DGKD: variants seen among roughly 807,000 people sequenced by gnomAD.
DGKD encodes DAG kinase delta.
DGKD carries 68 observed loss-of-function variants against 154.4 expected under a neutral mutation model. That is an observed-to-expected ratio of 0.44 (90% CI 0.36 to 0.54). The LOEUF (loss-of-function observed/expected upper bound fraction) is 0.54, where lower values mean the gene tolerates loss of function less well. Ranked by LOEUF, DGKD falls within the 20% of genes least tolerant of loss-of-function variation. The pLI, the probability that DGKD is intolerant of heterozygous loss-of-function variation, is 0.00. For synonymous variants in DGKD, 693 were observed against 638.0 expected, an observed-to-expected ratio of 1.09 and a Z score of -1.30; for missense variants, 1,343 against 1,593.6, an observed-to-expected ratio of 0.84 and a Z score of 2.68.
chr2:233,427,260 G>A (rs1318043472), intron 3 of DGKD, among the ~76,000 whole-genome samples: 1 of 151,662 alleles, frequency 6.6e-6, no homozygotes, highest in African/African-American at 2.4e-5. Flanking sequence ...TTCTCTTGGT[G>A]GGACGTCCTG....
chr2:233,465,419 A>G (rs2063794369), intron 27 of DGKD, among the ~76,000 whole-genome samples: 1 of 152,140 alleles, frequency 6.6e-6, no homozygotes, highest in Non-Finnish European at 1.5e-5. Flanking sequence ...GTTACAAACA[A>G]CATTCTTGAC....
intron 10 of DGKD, chr2:233,442,566 A>G: frequency 5.5e-6 from 1 of 182,620 alleles, no homozygotes; most frequent in Non-Finnish European, 1.2e-5. Context: ...TGCACTTGTA[A>G]TTTAAACGGG....
rs1394074568 is a variant in DGKD, at chr2:233,452,671, G to A, written c.2264+611G>A. 1.3e-5 allele frequency among the ~76,000 whole-genome samples: 2 copies of A among 152,198 alleles called. No homozygotes were observed. The highest frequency in any genetic ancestry group is 6.5e-5 in the Admixed American group (1 of 15,282). On this transcript the variant is annotated intron_variant, in intron 18 of 29. Transcript: ENST00000264057. This position sits in a 1 kb window ranked among gnomAD's most constrained non-coding sequence, Gnocchi z 4.0. ...GGGACAAGGCCTTCTTCCTCTGCTG[G>A]CCTGTAAGGCAGTGAGGACATGTAT...
At chr2:233,424,947 A>T (rs1329847114) in intron 3 of DGKD, among the ~76,000 whole-genome samples, 1 of 152,026 alleles carries the variant, frequency 6.6e-6, no homozygotes, top group African/African-American at 2.4e-5. Context: ...CTCCTTTTTC[A>T]CCATGATTTC....
chr2:233,442,109 C>G, intron 10 of DGKD, 114 bp downstream of exon 10: 1 of 1,011,856 alleles, frequency 9.9e-7, no homozygotes, highest in Non-Finnish European at 1.5e-6. Context: ...GGCCAGAAAC[C>G]ATTGGTGGTT....
chr2:233,359,094 T>C (rs1020094118), intron 1 of DGKD, among the ~76,000 whole-genome samples: 49 of 152,360 alleles, frequency 3.2e-4, no homozygotes, highest in African/African-American at 1.1e-3. Context: ...AGGGATGAAG[T>C]AATGTAAAAG....
In DGKD at chr2:233,445,910, C is replaced by A; in HGVS notation, c.1334+148C>A. The A allele has an allele frequency of 9.6e-7, 1 of 1,046,102 alleles. No homozygotes were observed. The highest frequency in any genetic ancestry group is 1.3e-6 in the Non-Finnish European group (1 of 761,222). 64.8% of individuals were successfully genotyped at this position (1,046,102 alleles called of 1,614,324 possible). The stretch of plus-strand genomic sequence containing the variant: ...TGACCTGAGTATATATTCGGATAGT[C>A]TTTGATATTTGGTCAGATTATGACA... On this transcript the variant is annotated intron_variant, in intron 11 of 29. Transcript: ENST00000264057. This position sits in a 1 kb window ranked among gnomAD's most constrained non-coding sequence, Gnocchi z 5.5.
intron 3 of DGKD, among the ~76,000 whole-genome samples, chr2:233,434,090 T>C (rs2062614669): frequency 6.6e-6 from 1 of 152,242 alleles, no homozygotes; most frequent in African/African-American, 2.4e-5. Flanking sequence ...CTTTTTTTAT[T>C]TCCTTAGGGT....
chr2:233,442,853 C>G (rs1011032939), intron 10 of DGKD, among the ~76,000 whole-genome samples: 3 of 152,210 alleles, frequency 2.0e-5, no homozygotes, highest in Non-Finnish European at 4.4e-5. Context: ...ATCCGCCCAC[C>G]TTGGCCTCCC....
In DGKD at chr2:233,469,835, T is replaced by C. The variant is rs533652097; in HGVS notation, c.*375T>C. 3.3e-4 allele frequency: 67 copies of C among 201,262 alleles called. No individual in the cohort carries two copies. In the South Asian group the frequency reaches 4.7e-3, roughly 14 times the overall value. 12.5% of individuals were successfully genotyped at this position (201,262 alleles called of 1,614,324 possible). A position where few individuals can be genotyped will look rare whatever the true frequency, so the allele number is the denominator to read the frequency against. On this transcript the variant is annotated 3_prime_UTR_variant, in exon 30 of 30. Coordinates refer to ENST00000264057, the MANE Select transcript of DGKD (RefSeq NM_152879.3). ...CTCGTGCTTGGATTGTCCCGGGGGC[T>C]CCTCTCCGTGTGTCCTTCTGTGGCC...
chr2:233,454,298 A>C (rs373295999), intron 18 of DGKD: 10 of 443,688 alleles, frequency 2.3e-5, no homozygotes, highest in African/African-American at 1.9e-4. Context: ...GGTAATAAAA[A>C]TGAAGCGCTA....
chr2:233,454,342 A>G, intron 18 of DGKD: 1 of 465,376 alleles, frequency 2.1e-6, no homozygotes, highest in Non-Finnish European at 4.4e-6. Flanking sequence ...CTTTGAAAAC[A>G]TCGTCCTGAG....
chr2:233,439,197 A>G (rs1483088701), intron 9 of DGKD, among the ~76,000 whole-genome samples: 8 of 152,232 alleles, frequency 5.3e-5, no homozygotes. Flanking sequence ...GGAGATGTCC[A>G]GGATACCCGT....
chr2:233,420,374 A>G (rs1362742799), intron 3 of DGKD, among the ~76,000 whole-genome samples: 2 of 152,246 alleles, frequency 1.3e-5, no homozygotes, highest in East Asian at 1.9e-4. Context: ...AAAGTAACAC[A>G]TGAACCCAGC....
intron 3 of DGKD, among the ~76,000 whole-genome samples, chr2:233,426,936 A>G (rs1376027692): frequency 6.6e-6 from 1 of 152,212 alleles, no homozygotes; most frequent in South Asian, 2.1e-4. Context: ...GCACCGGGTC[A>G]TGTGCTTTAT....
intron 1 of DGKD, among the ~76,000 whole-genome samples, chr2:233,362,276 G>A (rs1357876121): frequency 6.6e-6 from 1 of 152,192 alleles, no homozygotes; most frequent in Non-Finnish European, 1.5e-5. Flanking sequence ...GTGGGAGACA[G>A]ATATAGTAAG....
At chr2:233,390,342 C>A in intron 2 of DGKD, 61 bp from the exon 3 acceptor site, 1 of 1,343,346 alleles carries the variant, frequency 7.4e-7, no homozygotes, top group Non-Finnish European at 1.1e-6. Flanking sequence ...GCAGCGCTGG[C>A]TAGTGCTTAG....
chr2:233,403,424 G>A (rs1486597677), intron 3 of DGKD, among the ~76,000 whole-genome samples: 3 of 151,806 alleles, frequency 2.0e-5, no homozygotes. Flanking sequence ...GCTGGATGTG[G>A]TGGTGGGCGC....
At chr2:233,435,271 C>G (rs901856714) in intron 5 of DGKD, among the ~76,000 whole-genome samples, 1 of 152,130 alleles carries the variant, frequency 6.6e-6, no homozygotes. Flanking sequence ...ACTTAGAGGT[C>G]AGGGCTGCAG....
Sources: allele counts gnomAD v4.1 joint callset (sites outside exome capture counted in the v4.1 genomes callset), GRCh38; gene constraint gnomAD v4.1.1; non-coding constraint Gnocchi (gnomAD v3.1); transcripts MANE v1.5; gene names NCBI Gene and HGNC (gene_info 2026-07-23, HGNC 2026-07-21).